The following AGMO variants were observed in gnomAD, a reference collection of about 807,000 sequenced individuals.
AGMO encodes the protein glyceryl-ether monooxygenase.
Under a neutral mutation model 60.2 loss-of-function variants are expected in AGMO, and 75 were observed. The observed-to-expected ratio is 1.25, with a 90% confidence interval of 1.03 to 1.51. The LOEUF (loss-of-function observed/expected upper bound fraction) is 1.51, where lower values mean the gene tolerates loss of function less well. Ranked by LOEUF, AGMO falls within the 40% of genes most tolerant of loss-of-function variation. The pLI, the probability that AGMO is intolerant of heterozygous loss-of-function variation, is 0.00. For synonymous variants in AGMO, 261 were observed against 177.1 expected (o/e 1.47, Z -3.76); for missense variants, 763 against 525.5 (o/e 1.45, Z -4.42).
Position 15,372,148 on chromosome 7 carries a change from C to A in AGMO, c.1075-5926G>T, listed in dbSNP as rs1015462842. On this transcript the variant is annotated intron_variant, in intron 10 of 12. Transcript: ENST00000342526. ...CTACTAAGGGAGATAATCAGTTGAA[C>A]GTCTCTAAAGTCTAACATGCGGCTG... Among the ~76,000 whole-genome samples, 15 of 104,966 alleles carry A rather than the reference C, an allele frequency of 1.4e-4. No individual in the cohort carries two copies. The South Asian group carries it at 1.7e-3, about 12-fold the overall frequency. The allele number at this position is 104,966 out of a possible 152,430, so 68.9% of individuals were successfully genotyped here.
chr7:15,538,711 G>A (rs1402781014), intron 3 of AGMO, among the ~76,000 whole-genome samples: 1 of 152,114 alleles, frequency 6.6e-6, no homozygotes, highest in African/African-American at 2.4e-5. Context: ...TAATTTCTCA[G>A]CAATACGTCT....
At chr7:15,373,285 A>G (rs1408535744) in intron 10 of AGMO, among the ~76,000 whole-genome samples, 1 of 152,054 alleles carries the variant, frequency 6.6e-6, no homozygotes, top group Non-Finnish European at 1.5e-5. Context: ...CTCAAAAAAA[A>G]AAAAAATTAT....
chr7:15,448,872 T>C (rs1378077291), intron 3 of AGMO, among the ~76,000 whole-genome samples: 1 of 152,140 alleles, frequency 6.6e-6, no homozygotes, highest in East Asian at 1.9e-4. Flanking sequence ...GTACCTGAGA[T>C]TATTTTTGTC....
intron 12 of AGMO, among the ~76,000 whole-genome samples, chr7:15,318,088 C>T (rs1018049336): frequency 6.6e-6 from 1 of 151,124 alleles, no homozygotes; most frequent in African/African-American, 2.4e-5. Flanking sequence ...TCACTGCAAT[C>T]TCTGCCTCTG....
chr7:15,415,338 A>G (rs1016501371), intron 5 of AGMO, among the ~76,000 whole-genome samples: 1 of 151,804 alleles, frequency 6.6e-6, no homozygotes, highest in African/African-American at 2.4e-5. Context: ...AGGTCAAGAG[A>G]CCGAGACCAT....
At chr7:15,390,004 C>G (rs1017075338) in intron 8 of AGMO, among the ~76,000 whole-genome samples, 4 of 151,958 alleles carry the variant, frequency 2.6e-5, no homozygotes, top group Non-Finnish European at 4.4e-5. Context: ...CATTGACCCA[C>G]CTCTTCAGCT....
chr7:15,356,435 A>G (rs1782531113), intron 12 of AGMO, among the ~76,000 whole-genome samples: 1 of 152,180 alleles, frequency 6.6e-6, no homozygotes, highest in African/African-American at 2.4e-5. Flanking sequence ...ATAGGAAACT[A>G]TATATAAGAA....
At chr7:15,528,313 C>T (rs1052515135) in intron 3 of AGMO, among the ~76,000 whole-genome samples, 4 of 151,956 alleles carry the variant, frequency 2.6e-5, no homozygotes, top group Non-Finnish European at 5.9e-5. Flanking sequence ...ATTTTATATG[C>T]TCTAGGAAAC....
At chr7:15,351,707 G>A (rs1391125242) in intron 12 of AGMO, among the ~76,000 whole-genome samples, 1 of 152,170 alleles carries the variant, frequency 6.6e-6, no homozygotes, top group Non-Finnish European at 1.5e-5. Context: ...TACATTTTAA[G>A]TGGACACATA....
intron 3 of AGMO, among the ~76,000 whole-genome samples, chr7:15,509,278 T>C (rs1182403225): frequency 2.0e-5 from 3 of 151,970 alleles, no homozygotes; most frequent in Non-Finnish European, 4.4e-5. Context: ...TAAGCATATA[T>C]GGTTAACTAA....
intron 12 of AGMO, among the ~76,000 whole-genome samples, chr7:15,339,001 T>C (rs535624825): frequency 6.6e-6 from 1 of 152,304 alleles, no homozygotes; most frequent in Admixed American, 6.5e-5. Flanking sequence ...CATGGAAAGT[T>C]TGTGTCTAAA....
At chr7:15,554,900 C>G (rs763811132) in intron 2 of AGMO, among the ~76,000 whole-genome samples, 1 of 151,668 alleles carries the variant, frequency 6.6e-6, no homozygotes, top group African/African-American at 2.4e-5. Context: ...CTTTCAGTGT[C>G]TAAGGATAAT....
chr7:15,161,472 A>AT, the AGMO span, among the ~76,000 whole-genome samples: 1 of 151,676 alleles, frequency 6.6e-6, no homozygotes. Context: ...ATATACACAT[A>AT]TAAGTATATG....
At chr7:15,144,432 G>T in the AGMO span, among the ~76,000 whole-genome samples, 2 of 152,130 alleles carry the variant, frequency 1.3e-5, no homozygotes, top group African/African-American at 4.8e-5. Context: ...AATACCTCAA[G>T]TGTTTGTTTA....
chr7:15,289,281 A>C (rs1784188720), intron 12 of AGMO, among the ~76,000 whole-genome samples: 1 of 51,108 alleles, frequency 2.0e-5, no homozygotes, highest in Admixed American at 2.9e-4. Context: ...TTAGAATGTT[A>C]ATTGTTTCTT....
intron 4 of AGMO, among the ~76,000 whole-genome samples, chr7:15,419,675 T>A (rs896799497): frequency 1.9e-5 from 1 of 52,616 alleles, no homozygotes; most frequent in Non-Finnish European, 4.6e-5. Context: ...AAGTAGAATG[T>A]TTTTTTTTTA....
intron 9 of AGMO, among the ~76,000 whole-genome samples, chr7:15,386,424 CT>C (rs1468375653): frequency 2.0e-5 from 3 of 152,038 alleles, no homozygotes. Flanking sequence ...TTTGAGTTAT[CT>C]ATTGACAAAA....
At chr7:15,495,917 A>G (rs985008137) in intron 3 of AGMO, among the ~76,000 whole-genome samples, 1 of 151,040 alleles carries the variant, frequency 6.6e-6, no homozygotes, top group South Asian at 2.1e-4. Flanking sequence ...TCTTCTTCTT[A>G]TAAGGGCACA....
intron 12 of AGMO, among the ~76,000 whole-genome samples, chr7:15,284,046 G>A (rs548621464): frequency 1.3e-3 from 193 of 151,910 alleles, no homozygotes; most frequent in African/African-American, 4.3e-3. Context: ...TAATAGTGAT[G>A]TAATTTATCA....
Sources: gnomAD v4.1 joint callset for allele counts (sites outside exome capture counted in the v4.1 genomes callset) on GRCh38, gnomAD v4.1.1 for gene constraint, MANE v1.5 for transcripts, NCBI Gene and HGNC (gene_info 2026-07-23, HGNC 2026-07-21) for gene names.